Variants in ZNF423 observed in about 807,000 individuals in gnomAD.
The protein encoded by ZNF423 is Ebf-associated zinc finger protein.
Under a neutral mutation model 95.8 loss-of-function variants are expected in ZNF423, and 12 were observed. The observed-to-expected ratio is 0.13, with a 90% CI of 0.08 to 0.20. The LOEUF (loss-of-function observed/expected upper bound fraction) is 0.20, where lower values mean the gene tolerates loss of function less well. ZNF423 is among the 10% of genes least tolerant of loss of function. The probability of loss-of-function intolerance (pLI) is 1.00; values close to 1 mark genes in which losing one functional copy is unlikely to be tolerated. For missense variants in ZNF423, 1,316 were observed against 1,737.1 expected, an observed-to-expected ratio of 0.76 and a Z score of 4.31; for synonymous variants, 749 against 711.9, an observed-to-expected ratio of 1.05 and a Z score of -0.83.
chr16:49,634,565 A>C (rs1168129813), intron 4 of ZNF423, among the ~76,000 whole-genome samples: 2 of 152,036 alleles, frequency 1.3e-5, no homozygotes, highest in East Asian at 3.9e-4. Flanking sequence ...GGTCCCAGGA[A>C]AAACACCCTC....
intron 1 of ZNF423, among the ~76,000 whole-genome samples, chr16:49,804,363 G>A (rs181046417): frequency 6.6e-6 from 1 of 152,262 alleles, no homozygotes; most frequent in Non-Finnish European, 1.5e-5. Context: ...CTTTTTTAAT[G>A]TAAGCAAGTT....
chr16:49,492,398 G>A lies in ZNF423; in HGVS notation c.3850-1094C>T, dbSNP rs1336295959. ...CGCTGACCGCCAGGGGTCAGCAGAG[G>A]CACCGCGTCTCTCCTGGGCTCGGGT... On this transcript the variant is annotated intron_variant, in intron 7 of 7. Transcript: ENST00000563137. The surrounding 1 kb of genome is among the most constrained non-coding windows in gnomAD (Gnocchi z 4.2). Among the ~76,000 whole-genome samples, 1 of 152,192 alleles carries A rather than the reference G, an allele frequency of 6.6e-6. No homozygotes were observed. Among genetic ancestry groups the A allele is most frequent in the East Asian group, 1.9e-4 (1 of 5,170 alleles).
chr16:49,507,411 GGT>G (rs1967689845), intron 7 of ZNF423, among the ~76,000 whole-genome samples: 2 of 152,100 alleles, frequency 1.3e-5, no homozygotes, highest in African/African-American at 4.8e-5. Context: ...TGGGATTACA[GGT>G]GTGAGCCACC....
chr16:49,628,051 C>T (rs1330109047), intron 4 of ZNF423, among the ~76,000 whole-genome samples: 1 of 150,536 alleles, frequency 6.6e-6, no homozygotes, highest in Non-Finnish European at 1.5e-5. Context: ...ATCTACCCAT[C>T]CATTCATCTA....
rs1293432696 is a variant in ZNF423 at position 49,492,389 on chromosome 16, T to A, written c.3850-1085A>T. Among the ~76,000 whole-genome samples the A allele has an allele frequency of 1.3e-5, 2 of 151,996 alleles. No individual in the cohort carries two copies. Among genetic ancestry groups the A allele is most frequent in the African/African-American group, 4.8e-5 (2 of 41,396 alleles). The stretch of plus-strand genomic sequence containing the variant: ...CAGCTGTGCCGCTGACCGCCAGGGG[T>A]CAGCAGAGGCACCGCGTCTCTCCTG... On this transcript the variant is annotated intron_variant, in intron 7 of 7. Coordinates refer to ENST00000563137, the MANE Select transcript of ZNF423 (RefSeq NM_001379286.1). The surrounding 1 kb of genome is among the most constrained non-coding windows in gnomAD (Gnocchi z 4.2).
intron 7 of ZNF423, among the ~76,000 whole-genome samples, chr16:49,507,983 C>T (rs1967716533): frequency 1.3e-5 from 2 of 152,168 alleles, no homozygotes; most frequent in African/African-American, 4.8e-5. Context: ...ATCAATAAAT[C>T]CAGCCATTTA....
rs537047695 is a variant in ZNF423, at chr16:49,491,006, C to T, written c.*269G>A. On this transcript the variant is annotated 3_prime_UTR_variant, in exon 8 of 8. Coordinates refer to ENST00000563137, the MANE Select transcript of ZNF423 (RefSeq NM_001379286.1). Reference sequence around the variant, plus strand: ...CAATAGCCTTAAAAAGCAGGTTTCTCTAACTCTAGAAATGTAGTCTGCGGC... The same window carrying T: ...CAATAGCCTTAAAAAGCAGGTTTCTTTAACTCTAGAAATGTAGTCTGCGGC... The T allele has an allele frequency of 2.1e-6, 1 of 477,376 alleles. No homozygotes were observed. Among genetic ancestry groups the T allele is most frequent in the Admixed American group, 3.3e-5 (1 of 30,470 alleles). The allele number at this position is 477,376 out of a possible 1,614,324, so 29.6% of individuals were successfully genotyped here.
intron 1 of ZNF423, among the ~76,000 whole-genome samples, chr16:49,794,878 C>A (rs1366693672): frequency 2.6e-5 from 4 of 152,102 alleles, no homozygotes; most frequent in Non-Finnish European, 5.9e-5. Flanking sequence ...CAACAAAAAA[C>A]AAAAATTTTA....
chr16:49,657,918 T>A lies in ZNF423; in HGVS notation c.302-19044A>T, dbSNP rs79401296. On this transcript the variant is annotated intron_variant, in intron 3 of 7. Transcript: ENST00000563137. The stretch of plus-strand genomic sequence containing the variant: ...AGCCCCTAATCTGCACCTGCCAGGA[T>A]TTGCCATGCTCAAGTCACTGAGAGG... Among the ~76,000 whole-genome samples the A allele has an allele frequency of 3.8e-3, 582 of 152,272 alleles. 9 individuals carry two copies. Among genetic ancestry groups the A allele is most frequent in the African/African-American group, 0.013 (537 of 41,552 alleles).
chr16:49,708,838 T>G (rs1482842255), intron 3 of ZNF423, among the ~76,000 whole-genome samples: 1 of 152,198 alleles, frequency 6.6e-6, no homozygotes, highest in Non-Finnish European at 1.5e-5. Context: ...TGCCTCCTCC[T>G]GCTTCAGCAC....
At chr16:49,497,628 C>A (rs1278371220) in intron 7 of ZNF423, among the ~76,000 whole-genome samples, 1 of 152,164 alleles carries the variant, frequency 6.6e-6, no homozygotes. Flanking sequence ...TGTGGCCAAT[C>A]CCCCTTCTCC....
At chr16:49,547,418 T>A (rs1443753743) in intron 5 of ZNF423, among the ~76,000 whole-genome samples, 1 of 152,114 alleles carries the variant, frequency 6.6e-6, no homozygotes, top group Non-Finnish European at 1.5e-5. Flanking sequence ...GCCATAAGGC[T>A]CAGCAGAGCA....
rs151037581 is a variant in ZNF423, at chr16:49,655,788, G to A, written c.302-16914C>T. Among the ~76,000 whole-genome samples the A allele has an allele frequency of 8.5e-4, 130 of 152,316 alleles. 1 individual carries two copies. Among genetic ancestry groups the A allele is most frequent in the South Asian group, 5.4e-3 (26 of 4,816 alleles). On this transcript the variant is annotated intron_variant, in intron 3 of 7. Transcript: ENST00000563137. ...CCCACAGGAGGGGAGTGTGGAAGCC[G>A]AAAGCCCAGAACAGCATCCATCTCA... is the stretch of plus-strand genomic sequence containing the variant.
chr16:49,735,652 C>A (rs1278478646), intron 2 of ZNF423, among the ~76,000 whole-genome samples: 2 of 152,312 alleles, frequency 1.3e-5, no homozygotes, highest in South Asian at 2.1e-4. Context: ...CTTCCCCCTG[C>A]ATCTCCTGGG....
chr16:49,567,442 C>T (rs898055508), intron 5 of ZNF423, among the ~76,000 whole-genome samples: 5 of 152,118 alleles, frequency 3.3e-5, no homozygotes, highest in African/African-American at 1.2e-4. Context: ...AAACACTATG[C>T]GCTGCCCAGA....
At chr16:49,844,028 G>T (rs1876001) in intron 1 of ZNF423, among the ~76,000 whole-genome samples, 70,579 of 151,684 alleles carry the variant, frequency 0.47, 16,607 homozygotes, top group Middle Eastern at 0.64. Flanking sequence ...GCACAGAGGC[G>T]TATGCCTGTA....
intron 5 of ZNF423, among the ~76,000 whole-genome samples, chr16:49,600,805 C>T (rs1176340661): frequency 6.6e-6 from 1 of 152,162 alleles, no homozygotes. Flanking sequence ...GGCTCCGACA[C>T]CAAAGATACT....
At chr16:49,530,701 C>T (rs982979953) in intron 5 of ZNF423, among the ~76,000 whole-genome samples, 7 of 152,134 alleles carry the variant, frequency 4.6e-5, no homozygotes, top group African/African-American at 1.2e-4. Flanking sequence ...ACTCCAGTAA[C>T]GCTTTCTGGA....
intron 2 of ZNF423, among the ~76,000 whole-genome samples, chr16:49,751,898 G>C (rs2033639488): frequency 6.6e-6 from 1 of 152,058 alleles, no homozygotes; most frequent in Non-Finnish European, 1.5e-5. Flanking sequence ...CTAAGGTTCA[G>C]TGGTTCAGAA....
Sources: allele counts gnomAD v4.1 joint callset (sites outside exome capture counted in the v4.1 genomes callset), GRCh38; gene constraint gnomAD v4.1.1; non-coding constraint Gnocchi (gnomAD v3.1); transcripts MANE v1.5; gene names NCBI Gene and HGNC (gene_info 2026-07-23, HGNC 2026-07-21).